Variants in BMPR1A observed in about 807,000 individuals in gnomAD.
BMPR1A encodes bone morphogenetic protein receptor type 1A.
A neutral mutation model predicts 66.0 loss-of-function variants in BMPR1A; 7 were observed. The observed-to-expected ratio is 0.11, with a 90% confidence interval of 0.06 to 0.20. The LOEUF is 0.20. Ranked by LOEUF, BMPR1A falls within the 10% of genes least tolerant of loss-of-function variation. BMPR1A has a pLI of 1.00. For synonymous variants in BMPR1A, 200 were observed against 229.7 expected, an observed-to-expected ratio of 0.87 and a Z score of 1.17; for missense variants, 408 against 669.1, an observed-to-expected ratio of 0.61 and a Z score of 4.31.
chr10:86,769,483 T>A (rs1038329294), intron 1 of BMPR1A, among the ~76,000 whole-genome samples: 1 of 152,204 alleles, frequency 6.6e-6, no homozygotes. Flanking sequence ...AGTGGATGAT[T>A]AGGACCTCAA....
intron 2 of BMPR1A, among the ~76,000 whole-genome samples, chr10:86,862,996 C>G (rs549098647): frequency 1.3e-5 from 2 of 150,506 alleles, no homozygotes; most frequent in Non-Finnish European, 3.0e-5. Flanking sequence ...TTTTTTCCCC[C>G]TCTGAGACAG....
At chr10:86,803,574 A>G (rs939116663) in intron 1 of BMPR1A, among the ~76,000 whole-genome samples, 3 of 152,138 alleles carry the variant, frequency 2.0e-5, no homozygotes, top group African/African-American at 7.2e-5. Context: ...TTTTTTCCCA[A>G]ATCGTTGGCA....
At chr10:86,901,166 GCCTTGGAAGTGAGCCA>G (rs1843303761) in intron 7 of BMPR1A, among the ~76,000 whole-genome samples, 1 of 152,322 alleles carries the variant, frequency 6.6e-6, no homozygotes, top group African/African-American at 2.4e-5. Context: ...CAGCCTGTCG[GCCTTGGAAGTGAGCCA>G]CCTTGGAAGT....
intron 1 of BMPR1A, among the ~76,000 whole-genome samples, chr10:86,797,068 C>CTTTTTTTT (rs780930060): frequency 0.045 from 4,685 of 104,312 alleles, 199 homozygotes; most frequent in Non-Finnish European, 0.064. Flanking sequence ...CTTTTCTTTT[C>CTTTTTTTT]TTTTTTTTTT....
intron 1 of BMPR1A, among the ~76,000 whole-genome samples, chr10:86,823,871 C>T (rs1842155205): frequency 6.6e-6 from 1 of 152,152 alleles, no homozygotes; most frequent in South Asian, 2.1e-4. Context: ...AAATTACTTC[C>T]CACCTGTGAA....
At position 86,898,248 on chromosome 10, in the gene BMPR1A, C is replaced by CATATAT. The variant is rs55896742; in HGVS notation, c.334-1540_334-1535dup. Among the ~76,000 whole-genome samples the CATATAT allele has an allele frequency of 1.9e-4, 29 of 150,906 alleles. No homozygotes were observed. The East Asian group carries it at 2.6e-3, about 13-fold the overall frequency. ...TTAAAGAAAAGGGACGTATATAACA[C>CATATAT]ATATATATATAACATATATATAAAC... On this transcript the variant is annotated intron_variant, in intron 5 of 12. Coordinates refer to ENST00000372037, the MANE Select transcript of BMPR1A (RefSeq NM_004329.3).
intron 1 of BMPR1A, among the ~76,000 whole-genome samples, chr10:86,772,211 A>G (rs2132656774): frequency 1.4e-5 from 2 of 147,998 alleles, no homozygotes; most frequent in Middle Eastern, 7.1e-3. Context: ...GCTCAGTGCA[A>G]GCTCCACCTC....
chr10:86,827,895 T>G (rs1451457109), intron 1 of BMPR1A, among the ~76,000 whole-genome samples: 1 of 152,224 alleles, frequency 6.6e-6, no homozygotes, highest in Admixed American at 6.5e-5. Context: ...GGTTTACACC[T>G]ATAATCCCAG....
intron 1 of BMPR1A, among the ~76,000 whole-genome samples, chr10:86,774,194 T>C (rs1373928106): frequency 6.6e-6 from 1 of 152,204 alleles, no homozygotes; most frequent in Admixed American, 6.5e-5. Context: ...CTAGGAGTTA[T>C]TATCTTTTCT....
intron 2 of BMPR1A, chr10:86,855,634 A>G: frequency 1.5e-6 from 1 of 670,892 alleles, no homozygotes; most frequent in Non-Finnish European, 2.7e-6. Flanking sequence ...AAGGAAGTTC[A>G]CATGTGGCAG....
intron 1 of BMPR1A, among the ~76,000 whole-genome samples, chr10:86,777,638 A>G (rs1334050006): frequency 6.6e-6 from 1 of 152,160 alleles, no homozygotes; most frequent in Non-Finnish European, 1.5e-5. Flanking sequence ...TATACATCAC[A>G]GTGTTACAAT....
At chr10:86,908,634 C>A (rs938565555) in intron 7 of BMPR1A, among the ~76,000 whole-genome samples, 7 of 152,192 alleles carry the variant, frequency 4.6e-5, no homozygotes, top group African/African-American at 1.7e-4. Flanking sequence ...CGTCATTGCA[C>A]CTCTGTGGGA....
At chr10:86,892,912 C>T (rs1843173552) in intron 5 of BMPR1A, among the ~76,000 whole-genome samples, 1 of 150,216 alleles carries the variant, frequency 6.7e-6, no homozygotes, top group Non-Finnish European at 1.5e-5. Flanking sequence ...TTTTAACCGT[C>T]TTTGGCTACT....
intron 1 of BMPR1A, among the ~76,000 whole-genome samples, chr10:86,836,575 A>G (rs565299713): frequency 6.6e-6 from 1 of 152,264 alleles, no homozygotes; most frequent in East Asian, 1.9e-4. Flanking sequence ...AGGCAGGCGG[A>G]TCACTTGAGG....
intron 7 of BMPR1A, among the ~76,000 whole-genome samples, chr10:86,905,398 T>C (rs181710917): frequency 2.2e-3 from 333 of 152,352 alleles, no homozygotes; most frequent in African/African-American, 7.6e-3. Context: ...TTTTTTTACA[T>C]TGGCAAGTAT....
At chr10:86,890,289 A>G in intron 4 of BMPR1A, 65 bp downstream of exon 4, 1 of 1,588,470 alleles carries the variant, frequency 6.3e-7, no homozygotes, top group Non-Finnish European at 8.6e-7. Flanking sequence ...TGCTATTTTA[A>G]GAATTATTAA....
chr10:86,770,388 C>CGA (rs10533628), intron 1 of BMPR1A, among the ~76,000 whole-genome samples: 6 of 151,918 alleles, frequency 3.9e-5, no homozygotes, highest in South Asian at 2.1e-4. Flanking sequence ...CTTCAGTCTG[C>CGA]GAGAGAGAGA....
At chr10:86,767,946 A>C (rs559529947) in intron 1 of BMPR1A, among the ~76,000 whole-genome samples, 1 of 152,304 alleles carries the variant, frequency 6.6e-6, no homozygotes, top group South Asian at 2.1e-4. Context: ...TGTCTTTCCT[A>C]CATGTTACTT....
Position 86,911,620 on chromosome 10 carries a change from C to T in BMPR1A, c.531-620C>T, listed in dbSNP as rs575803536. Among the ~76,000 whole-genome samples the T allele has an allele frequency of 3.3e-5, 5 of 152,066 alleles. No individual in the cohort carries two copies. In the East Asian group the frequency reaches 9.7e-4, roughly 29 times the overall value. Reference sequence around the variant, plus strand: ...AAAAGATTAGCTGGGCATGGTGGCACGTACCTGTAGTCCCAGCTACTCAGG... The same window carrying T: ...AAAAGATTAGCTGGGCATGGTGGCATGTACCTGTAGTCCCAGCTACTCAGG... On this transcript the variant is annotated intron_variant, in intron 7 of 12. Transcript: ENST00000372037.
Sources: gnomAD v4.1 joint callset for allele counts (sites outside exome capture counted in the v4.1 genomes callset) on GRCh38, gnomAD v4.1.1 for gene constraint, MANE v1.5 for transcripts, NCBI Gene and HGNC (gene_info 2026-07-23, HGNC 2026-07-21) for gene names.